LRCH3: variants seen among roughly 807,000 people sequenced by gnomAD.
LRCH3 encodes DISP complex protein LRCH3.
In LRCH3, 68 loss-of-function variants were observed where a neutral mutation model predicts 104.5. That is an observed-to-expected ratio of 0.65 (90% CI 0.54 to 0.80). LRCH3 has a LOEUF of 0.80. LRCH3 is among the 30% of genes least tolerant of loss of function. The pLI is 0.00. For missense variants in LRCH3, 951 were observed against 953.9 expected (o/e 1.00, Z 0.04); for synonymous variants, 344 against 361.3 (o/e 0.95, Z 0.54).
intron 14 of LRCH3, among the ~76,000 whole-genome samples, chr3:197,855,234 C>T (rs972664820): frequency 5.9e-5 from 9 of 152,278 alleles, no homozygotes; most frequent in South Asian, 2.1e-4. Flanking sequence ...GTGGTCTGTT[C>T]GCATTGCTGT....
At chr3:197,805,298 A>G (rs763136742) in intron 1 of LRCH3, among the ~76,000 whole-genome samples, 29 of 152,196 alleles carry the variant, frequency 1.9e-4, no homozygotes, top group Non-Finnish European at 4.0e-4. Flanking sequence ...TTTTCCAGTA[A>G]GACACTTTTT....
chr3:197,875,470 C>T (rs938608656), intron 19 of LRCH3, among the ~76,000 whole-genome samples: 2 of 152,138 alleles, frequency 1.3e-5, no homozygotes, highest in African/African-American at 4.8e-5. Context: ...TCAAGACCAG[C>T]CTGGGCAACG....
rs963888411 is a variant in LRCH3, at chr3:197,854,900, C to T, written c.1644+455C>T. On this transcript the variant is annotated intron_variant, in intron 14 of 20. Transcript: ENST00000425562. This position sits in a 1 kb window ranked among gnomAD's most constrained non-coding sequence, Gnocchi z 4.5. ...CCTTCACTTTGGTTTTAAATACTTACAGCTCAAGATTATTCCTTCATGTTC... is the reference window on the plus strand; with the variant it reads ...CCTTCACTTTGGTTTTAAATACTTATAGCTCAAGATTATTCCTTCATGTTC... Among the ~76,000 whole-genome samples the T allele has an allele frequency of 3.3e-5, 5 of 152,142 alleles. No individual in the cohort carries two copies. Among genetic ancestry groups the T allele is most frequent in the African/African-American group, 4.8e-5 (2 of 41,420 alleles).
At chr3:197,880,522 G>T in intron 20 of LRCH3, 3 of 1,536,040 alleles carry the variant, frequency 2.0e-6, no homozygotes, top group Admixed American at 2.0e-5. Flanking sequence ...GACAATCTTT[G>T]TTCCCCTTCC....
intron 10 of LRCH3, among the ~76,000 whole-genome samples, chr3:197,844,655 G>T (rs986441406): frequency 1.3e-5 from 2 of 150,252 alleles, no homozygotes; most frequent in Non-Finnish European, 3.0e-5. Flanking sequence ...GCCTCACTCT[G>T]TCGCCAGGCT....
intron 19 of LRCH3, among the ~76,000 whole-genome samples, chr3:197,874,308 A>T (rs950548248): frequency 6.6e-6 from 1 of 152,122 alleles, no homozygotes; most frequent in Non-Finnish European, 1.5e-5. Context: ...CAGATCAGCA[A>T]CAGTATTAGA....
At chr3:197,857,466 C>G (rs992098262) in intron 14 of LRCH3, among the ~76,000 whole-genome samples, 5 of 147,164 alleles carry the variant, frequency 3.4e-5, no homozygotes, top group Admixed American at 6.8e-5. Context: ...ACATTGTCTT[C>G]GTTCTGCCCC....
chr3:197,854,276 A>C lies in LRCH3; in HGVS notation c.1591-116A>C, dbSNP rs9863587. The C allele has an allele frequency of 2.3e-6, 2 of 880,202 alleles. No individual in the cohort carries two copies. The highest frequency in any genetic ancestry group is 3.9e-6 in the Non-Finnish European group (2 of 518,338). The allele number at this position is 880,202 out of a possible 1,614,324, so 54.5% of individuals were successfully genotyped here. On this transcript the variant is annotated intron_variant, in intron 13 of 20. Transcript: ENST00000425562. This position sits in a 1 kb window ranked among gnomAD's most constrained non-coding sequence, Gnocchi z 4.5. ...ATTGTGAATGTGGTCCTCTATGTCAACGTCTTCAAAAGTATGTCTTAATAT... is the reference window on the plus strand; with the variant it reads ...ATTGTGAATGTGGTCCTCTATGTCACCGTCTTCAAAAGTATGTCTTAATAT...
chr3:197,832,342 A>G (rs779413083), intron 8 of LRCH3, 25 bp downstream of exon 8: 2 of 1,608,792 alleles, frequency 1.2e-6, no homozygotes, highest in South Asian at 1.1e-5. Context: ...GGTGACAGCT[A>G]AAGTGTTTGC....
rs1714284286 is a variant in LRCH3, at chr3:197,887,340, G to GTC, written c.*3674_*3675insTC. On this transcript the variant is annotated 3_prime_UTR_variant, in exon 21 of 21. Coordinates refer to ENST00000425562, the MANE Select transcript of LRCH3 (RefSeq NM_001365715.1). ...GCCCTTCCCATCACTGACAGTGTTGGGGGTTGAGAGCCCCCCAGCAGAGCC... is the reference window on the plus strand; with the variant it reads ...GCCCTTCCCATCACTGACAGTGTTGGTCGGGTTGAGAGCCCCCCAGCAGAGCC... The GTC allele has an allele frequency of 6.5e-6, 1 of 154,514 alleles. No homozygotes were observed. Among genetic ancestry groups the GTC allele is most frequent in the African/African-American group, 2.4e-5 (1 of 41,302 alleles). The allele number at this position is 154,514 out of a possible 1,614,324, so 9.6% of individuals were successfully genotyped here.
chr3:197,791,444 G>C lies in LRCH3; in HGVS notation c.166G>C (p.Ala56Pro), dbSNP rs1467240189. 2.5e-6 allele frequency: 4 copies of C among 1,597,432 alleles called. No homozygotes were observed. In the South Asian group the frequency reaches 3.4e-5, roughly 14 times the overall value. Residue 56 changes from alanine (A) to proline (P), a missense_variant, in exon 1 of 21, where the codon GCG becomes CCG. Transcript: ENST00000425562. ...SRSLDRALEEAAVTGVLSLSG... is the reference protein window; with the variant it reads ...SRSLDRALEEPAVTGVLSLSG... The stretch of plus-strand genomic sequence containing the variant: ...CTCTCTCGATCGAGCCCTGGAGGAG[G>C]CGGCGGTCACTGGGGTGCTGAGCCT...
intron 17 of LRCH3, among the ~76,000 whole-genome samples, chr3:197,867,767 A>G (rs1428509773): frequency 6.6e-6 from 1 of 152,056 alleles, no homozygotes; most frequent in Non-Finnish European, 1.5e-5. Flanking sequence ...AGGCAGGAGA[A>G]TGGTGTGAAC....
At chr3:197,870,739 G>A (rs1042261411) in intron 18 of LRCH3, among the ~76,000 whole-genome samples, 2 of 150,072 alleles carry the variant, frequency 1.3e-5, no homozygotes, top group African/African-American at 2.5e-5. Context: ...TAACAGATTA[G>A]TGCTGGGATG....
chr3:197,844,094 G>A (rs760489150), intron 10 of LRCH3, among the ~76,000 whole-genome samples: 1 of 152,192 alleles, frequency 6.6e-6, no homozygotes, highest in Non-Finnish European at 1.5e-5. Flanking sequence ...ATGTCTAGGG[G>A]TGAAACGTTC....
At chr3:197,822,247 G>T (rs965374944) in intron 4 of LRCH3, among the ~76,000 whole-genome samples, 2 of 152,158 alleles carry the variant, frequency 1.3e-5, no homozygotes, top group Non-Finnish European at 2.9e-5. Context: ...TCCTGGTTCT[G>T]TTTGCTACCA....
chr3:197,833,030 T>C (rs1414619992), intron 8 of LRCH3, among the ~76,000 whole-genome samples: 1 of 152,214 alleles, frequency 6.6e-6, no homozygotes. Context: ...AATGGTTTGC[T>C]GTCCTTTTCC....
At chr3:197,798,971 T>C (rs1333322044) in intron 1 of LRCH3, among the ~76,000 whole-genome samples, 1 of 138,776 alleles carries the variant, frequency 7.2e-6, no homozygotes, top group Non-Finnish European at 1.5e-5. Flanking sequence ...AATAGAACTC[T>C]CTCATCACTG....
At chr3:197,845,406 CAA>C (rs370414681) in intron 10 of LRCH3, among the ~76,000 whole-genome samples, 17 of 85,772 alleles carry the variant, frequency 2.0e-4, no homozygotes, top group Admixed American at 2.7e-4. Flanking sequence ...GAGACTCTGT[CAA>C]AAAAAAAAAA....
intron 9 of LRCH3, among the ~76,000 whole-genome samples, chr3:197,837,969 A>G (rs1202674158): frequency 6.6e-6 from 1 of 152,074 alleles, no homozygotes; most frequent in Non-Finnish European, 1.5e-5. Context: ...CTGAGGCACG[A>G]GAGTCACTTG....
Sources: allele counts gnomAD v4.1 joint callset (sites outside exome capture counted in the v4.1 genomes callset), GRCh38; gene constraint gnomAD v4.1.1; non-coding constraint Gnocchi (gnomAD v3.1); transcripts MANE v1.5; gene names NCBI Gene and HGNC (gene_info 2026-07-23, HGNC 2026-07-21).